GTF2A1: variants seen among roughly 807,000 people sequenced by gnomAD.
GTF2A1 encodes transcription initiation factor IIA subunit 1.
In GTF2A1, 12 loss-of-function variants were observed where a neutral mutation model predicts 54.1. That is an observed-to-expected ratio of 0.22 (90% CI 0.14 to 0.36). The LOEUF is 0.36. GTF2A1 is among the 10% of genes least tolerant of loss of function. The probability of loss-of-function intolerance (pLI) is 1.00; values close to 1 mark genes in which losing one functional copy is unlikely to be tolerated. For missense variants in GTF2A1, 335 were observed against 442.2 expected (o/e 0.76, Z 2.17); for synonymous variants, 145 against 152.0 (o/e 0.95, Z 0.34).
intron 2 of GTF2A1, among the ~76,000 whole-genome samples, chr14:81,210,825 A>G (rs942729223): frequency 3.9e-5 from 6 of 152,068 alleles, no homozygotes; most frequent in Non-Finnish European, 7.4e-5. Context: ...AAAGTGCTGG[A>G]ATTACAGGCA....
intron 3 of GTF2A1, among the ~76,000 whole-genome samples, chr14:81,202,997 G>A (rs1201788286): frequency 6.6e-6 from 1 of 152,182 alleles, no homozygotes; most frequent in Non-Finnish European, 1.5e-5. Context: ...AGGCAAATGA[G>A]TAACTAAATG....
intron 7 of GTF2A1, among the ~76,000 whole-genome samples, chr14:81,189,996 GA>G (rs1892839252): frequency 6.7e-5 from 5 of 74,966 alleles, no homozygotes; most frequent in Non-Finnish European, 1.4e-4. Flanking sequence ...TCCCTGGTAA[GA>G]CTGAACAGGG....
Position 81,178,242 on chromosome 14 carries a change from A to C in GTF2A1, c.*1981T>G, listed in dbSNP as rs1026891409. On this transcript the variant is annotated 3_prime_UTR_variant, in exon 9 of 9. Coordinates refer to ENST00000553612, the MANE Select transcript of GTF2A1 (RefSeq NM_015859.4). ...CTTAAGCAACACTGCAGCACTGCTG[A>C]ATTTTTATAGGTAGTTCAGGTCACT... The C allele has an allele frequency of 1.3e-5, 2 of 152,110 alleles. No homozygotes were observed. The highest frequency in any genetic ancestry group is 4.8e-5 in the African/African-American group (2 of 41,426). The allele number at this position is 152,110 out of a possible 1,614,324, so 9.4% of individuals were successfully genotyped here.
chr14:81,196,888 G>C (rs529462061), intron 5 of GTF2A1, among the ~76,000 whole-genome samples: 28 of 152,150 alleles, frequency 1.8e-4, no homozygotes, highest in African/African-American at 6.7e-4. Flanking sequence ...ACACAGAATA[G>C]AAAATAAATA....
chr14:81,194,272 TAA>T (rs1276039213), intron 6 of GTF2A1, among the ~76,000 whole-genome samples: 1 of 152,178 alleles, frequency 6.6e-6, no homozygotes, highest in Non-Finnish European at 1.5e-5. Context: ...TGACCTGAAT[TAA>T]AAGTTTCACC....
chr14:81,207,236 G>T (rs908017058), intron 2 of GTF2A1, among the ~76,000 whole-genome samples: 5 of 151,980 alleles, frequency 3.3e-5, no homozygotes, highest in South Asian at 2.1e-4. Context: ...AACTTGAGTT[G>T]TATCTCCCAG....
chr14:81,190,003 CA>C (rs1249696068), intron 7 of GTF2A1, among the ~76,000 whole-genome samples: 1 of 58,714 alleles, frequency 1.7e-5, no homozygotes, highest in African/African-American at 1.1e-4. Context: ...TAAGACTGAA[CA>C]GGGAAAAAAA....
chr14:81,219,192 C>G (rs2140046686), intron 1 of GTF2A1, among the ~76,000 whole-genome samples: 3 of 152,220 alleles, frequency 2.0e-5, no homozygotes, highest in Middle Eastern at 6.8e-3. Flanking sequence ...ACAAAGAAGG[C>G]AAATCCTAGC....
intron 4 of GTF2A1, among the ~76,000 whole-genome samples, chr14:81,199,939 G>C (rs1489088056): frequency 1.5e-5 from 1 of 67,948 alleles, no homozygotes; most frequent in Admixed American, 2.1e-4. Context: ...GCAACATATA[G>C]TGAGACTTTT....
At chr14:81,209,385 G>C (rs1397097804) in intron 2 of GTF2A1, among the ~76,000 whole-genome samples, 1 of 152,204 alleles carries the variant, frequency 6.6e-6, no homozygotes, top group East Asian at 1.9e-4. Flanking sequence ...ATGTGGAACT[G>C]TAAGTCCAAT....
At chr14:81,191,058 T>C (rs1031591915) in intron 7 of GTF2A1, among the ~76,000 whole-genome samples, 1 of 152,174 alleles carries the variant, frequency 6.6e-6, no homozygotes, top group Admixed American at 6.5e-5. Flanking sequence ...TAAGCACTTC[T>C]ATACAAAACA....
chr14:81,183,660 T>C (rs1203766666), intron 8 of GTF2A1, among the ~76,000 whole-genome samples: 1 of 152,238 alleles, frequency 6.6e-6, no homozygotes, highest in Non-Finnish European at 1.5e-5. Context: ...TAAAAATGTG[T>C]TAAAGCAAGT....
chr14:81,214,509 C>T (rs1445572938), intron 2 of GTF2A1, among the ~76,000 whole-genome samples: 1 of 151,692 alleles, frequency 6.6e-6, no homozygotes, highest in African/African-American at 2.4e-5. Flanking sequence ...AGCCAGGCGT[C>T]GTGGCGGGCG....
At chr14:81,197,337 G>C in intron 5 of GTF2A1, 72 bp downstream of exon 5, 2 of 748,672 alleles carry the variant, frequency 2.7e-6, no homozygotes, top group Non-Finnish European at 4.4e-6. Flanking sequence ...TTTCAAAGAA[G>C]ACAAAACCTA....
chr14:81,214,891 C>G (rs1230927902), intron 2 of GTF2A1, among the ~76,000 whole-genome samples: 1 of 152,158 alleles, frequency 6.6e-6, no homozygotes, highest in African/African-American at 2.4e-5. Context: ...GTATCTGACC[C>G]TGTTTTTGCT....
At chr14:81,186,801 T>A (rs991413665) in intron 7 of GTF2A1, among the ~76,000 whole-genome samples, 19 of 151,868 alleles carry the variant, frequency 1.3e-4, no homozygotes, top group Non-Finnish European at 1.8e-4. Flanking sequence ...ATAAAAAAAA[T>A]TAGCGAGGTA....
chr14:81,212,368 G>A (rs191111558), intron 2 of GTF2A1, among the ~76,000 whole-genome samples: 6 of 152,200 alleles, frequency 3.9e-5, no homozygotes, highest in African/African-American at 1.2e-4. Context: ...ATTTACATTC[G>A]AATATAGATT....
intron 7 of GTF2A1, among the ~76,000 whole-genome samples, chr14:81,186,534 A>T (rs61980891): frequency 0.13 from 19,443 of 152,250 alleles, 1,435 homozygotes; most frequent in African/African-American, 0.2. Context: ...TAACTAGAGC[A>T]TAAAATAAAC....
chr14:81,201,001 T>C (rs1893096908), intron 4 of GTF2A1, among the ~76,000 whole-genome samples: 1 of 152,118 alleles, frequency 6.6e-6, no homozygotes, highest in Admixed American at 6.5e-5. Context: ...TGAGAAATAT[T>C]ATATGTCTGA....
Sources: gnomAD v4.1 joint callset for allele counts (sites outside exome capture counted in the v4.1 genomes callset) on GRCh38, gnomAD v4.1.1 for gene constraint, MANE v1.5 for transcripts, NCBI Gene and HGNC (gene_info 2026-07-23, HGNC 2026-07-21) for gene names.